Variants in FAM193A observed in about 807,000 individuals in gnomAD.
FAM193A encodes the protein protein FAM193A.
A neutral mutation model predicts 126.5 loss-of-function variants in FAM193A; 22 were observed. The observed-to-expected ratio is 0.17, with a 90% CI of 0.12 to 0.25. The LOEUF is 0.25. Ranked by LOEUF, FAM193A falls within the 10% of genes least tolerant of loss-of-function variation. The pLI is 1.00. For missense variants in FAM193A, 1,675 were observed against 1,672.8 expected, an observed-to-expected ratio of 1.00 and a Z score of -0.02; for synonymous variants, 761 against 646.8, an observed-to-expected ratio of 1.18 and a Z score of -2.68.
At chr4:2,677,431 TG>T (rs1388667840) in intron 13 of FAM193A, among the ~76,000 whole-genome samples, 1 of 151,936 alleles carries the variant, frequency 6.6e-6, no homozygotes, top group Non-Finnish European at 1.5e-5. Context: ...GTTTTGTTTT[TG>T]TTTTTTTTGT....
intron 2 of FAM193A, 111 bp from the exon 3 acceptor site, chr4:2,625,151 T>C (rs1237831586): frequency 3.4e-6 from 2 of 587,096 alleles, no homozygotes; most frequent in Admixed American, 2.9e-5. Context: ...TTCTTTTCAA[T>C]GTTTAGGTTT....
rs1333349280 is a variant in FAM193A, at chr4:2,732,314, C to T, written c.*446C>T. ...GGGCGGGGCAGGCCTCCTTTGTTCT[C>T]CACAATCTACTGTCTCCGAGTGTAC... On this transcript the variant is annotated 3_prime_UTR_variant, in exon 21 of 21. Coordinates refer to ENST00000637812, the MANE Select transcript of FAM193A (RefSeq NM_001366318.2). 4.9e-6 allele frequency: 1 copy of T among 205,076 alleles called. No individual in the cohort carries two copies. Among genetic ancestry groups the T allele is most frequent in the Non-Finnish European group, 1.0e-5 (1 of 99,392 alleles). The allele number at this position is 205,076 out of a possible 1,614,324, so 12.7% of individuals were successfully genotyped here.
chr4:2,541,480 T>C (rs1331620842), intron 1 of FAM193A, among the ~76,000 whole-genome samples: 1 of 147,698 alleles, frequency 6.8e-6, no homozygotes, highest in South Asian at 2.1e-4. Flanking sequence ...AGAGTCTCGC[T>C]CTGTCACCAG....
At chr4:2,603,213 T>C (rs1481765751) in intron 2 of FAM193A, among the ~76,000 whole-genome samples, 1 of 150,074 alleles carries the variant, frequency 6.7e-6, no homozygotes, top group Non-Finnish European at 1.5e-5. Context: ...CAGGATGGTC[T>C]CAGTCTCGTG....
intron 2 of FAM193A, among the ~76,000 whole-genome samples, chr4:2,602,553 A>C (rs1353499904): frequency 6.6e-6 from 1 of 151,986 alleles, no homozygotes; most frequent in Non-Finnish European, 1.5e-5. Context: ...GGGTTTCACC[A>C]TGTTGGCCAG....
intron 1 of FAM193A, among the ~76,000 whole-genome samples, chr4:2,549,929 A>G (rs111860212): frequency 1.3e-4 from 19 of 141,456 alleles, no homozygotes; most frequent in African/African-American, 4.8e-4. Flanking sequence ...GGATTTCACC[A>G]TATTGGCCAG....
intron 2 of FAM193A, among the ~76,000 whole-genome samples, chr4:2,608,739 G>A (rs1344065615): frequency 1.3e-5 from 2 of 152,156 alleles, no homozygotes; most frequent in African/African-American, 4.8e-5. Flanking sequence ...GGATGGCTGA[G>A]ACATTTTTGC....
chr4:2,600,038 T>G (rs1741105896), intron 2 of FAM193A, among the ~76,000 whole-genome samples: 1 of 152,190 alleles, frequency 6.6e-6, no homozygotes, highest in Non-Finnish European at 1.5e-5. Flanking sequence ...TACCGGGGAC[T>G]ATAGGCGCGC....
At chr4:2,613,775 T>C (rs146791240) in intron 2 of FAM193A, among the ~76,000 whole-genome samples, 2 of 19,728 alleles carry the variant, frequency 1.0e-4, no homozygotes, top group African/African-American at 9.7e-4. Context: ...TTTCTTTTTC[T>C]TTTTTTTTTG....
intron 12 of FAM193A, 52 bp from the exon 13 acceptor site, chr4:2,672,069 C>T (rs201813795): frequency 1.6e-5 from 26 of 1,589,916 alleles, no homozygotes; most frequent in Non-Finnish European, 2.2e-5. Context: ...GACTTTAATT[C>T]ATACCATTTA....
intron 2 of FAM193A, among the ~76,000 whole-genome samples, chr4:2,611,254 G>A (rs1004731563): frequency 6.6e-6 from 1 of 150,952 alleles, no homozygotes; most frequent in Non-Finnish European, 1.5e-5. Context: ...GTTTTAATCT[G>A]CATTTTCTAT....
intron 2 of FAM193A, among the ~76,000 whole-genome samples, chr4:2,605,021 C>G (rs1741452122): frequency 6.7e-6 from 1 of 150,344 alleles, no homozygotes. Context: ...GTTGCCCAGG[C>G]TGATCTTGAA....
intron 19 of FAM193A, among the ~76,000 whole-genome samples, chr4:2,702,585 A>C (rs1248898352): frequency 2.0e-5 from 3 of 152,152 alleles, no homozygotes; most frequent in African/African-American, 4.8e-5. Context: ...TGCTATGTAC[A>C]AGCCGTGAGT....
chr4:2,676,265 C>T (rs1714392724), intron 13 of FAM193A, among the ~76,000 whole-genome samples: 1 of 152,206 alleles, frequency 6.6e-6, no homozygotes, highest in South Asian at 2.1e-4. Context: ...TCAGTTTCTC[C>T]ACATCCTCAT....
At chr4:2,656,750 A>G (rs1711732138) in intron 7 of FAM193A, among the ~76,000 whole-genome samples, 1 of 152,218 alleles carries the variant, frequency 6.6e-6, no homozygotes, top group Non-Finnish European at 1.5e-5. Flanking sequence ...AATCTCGAAC[A>G]CTTTTAAAAA....
At chr4:2,703,212 C>T (rs1441259630) in intron 19 of FAM193A, among the ~76,000 whole-genome samples, 3 of 152,062 alleles carry the variant, frequency 2.0e-5, no homozygotes, top group African/African-American at 7.2e-5. Flanking sequence ...CTTCTTTGTG[C>T]GAGCGTTTAG....
rs896013371 is a variant in FAM193A at position 2,731,905 on chromosome 4, G to T, written c.*37G>T. ...CTGGAGAGGGACACGCGAGAGGCAG[G>T]CCAGGCTGCACCACCCCAAGAGCCA... On this transcript the variant is annotated 3_prime_UTR_variant, in exon 21 of 21. Coordinates refer to ENST00000637812, the MANE Select transcript of FAM193A (RefSeq NM_001366318.2). The T allele has an allele frequency of 3.2e-5, 48 of 1,508,572 alleles. No homozygotes were observed. The East Asian group carries it at 9.9e-4, about 31-fold the overall frequency. The allele number at this position is 1,508,572 out of a possible 1,614,324, so 93.4% of individuals were successfully genotyped here.
chr4:2,596,102 A>T lies in FAM193A; in HGVS notation c.274A>T (p.Met92Leu). The T allele has an allele frequency of 2.8e-6, 2 of 702,144 alleles. No individual in the cohort carries two copies. Among genetic ancestry groups the T allele is most frequent in the Non-Finnish European group, 5.2e-6 (2 of 384,488 alleles). The allele number at this position is 702,144 out of a possible 1,614,324, so 43.5% of individuals were successfully genotyped here. A position where few individuals can be genotyped will look rare whatever the true frequency, so the allele number is the denominator to read the frequency against. Residue 92 changes from methionine to leucine, a missense_variant, in exon 2 of 21, where the codon ATG (methionine) becomes TTG (leucine). Physicochemically the swap from Met to Leu is conservative, Grantham distance 15. This residue lies in a region of FAM193A where 1,186 missense variants were observed against 1,109.2 expected (regional missense o/e 1.07). Transcript: ENST00000637812. Reference sequence around the variant, plus strand: ...ATTCCAGACTCCTTTTAGTTTTGGCATGAATCATAGGACACCACCCTACCC... The same window carrying T: ...ATTCCAGACTCCTTTTAGTTTTGGCTTGAATCATAGGACACCACCCTACCC... Reference protein sequence around the residue: ...GYFETPFSFGMNHRTPPYPAG... With the variant: ...GYFETPFSFGLNHRTPPYPAG...
intron 13 of FAM193A, among the ~76,000 whole-genome samples, chr4:2,673,407 C>G (rs537165588): frequency 1.5e-3 from 228 of 152,184 alleles, no homozygotes; most frequent in Non-Finnish European, 2.9e-3. Flanking sequence ...TTTGTTGTCT[C>G]TTTGCTAGGG....
Sources: gnomAD v4.1 joint callset for allele counts (sites outside exome capture counted in the v4.1 genomes callset) on GRCh38, gnomAD v4.1.1 for gene constraint, gnomAD v4.1.1 regional missense constraint, MANE v1.5 for transcripts, NCBI Gene and HGNC (gene_info 2026-07-23, HGNC 2026-07-21) for gene names.